Variants in ESRRB observed in about 807,000 individuals in gnomAD.
The protein encoded by ESRRB is steroid hormone receptor ERR2.
Under a neutral mutation model 46.0 loss-of-function variants are expected in ESRRB, and 16 were observed. The ratio of observed to expected loss-of-function variants is 0.35; its 90% CI spans 0.24 to 0.53. The LOEUF is 0.53. Among genes scored for constraint, ESRRB ranks in the 20% least tolerant of loss-of-function variants. The probability of loss-of-function intolerance (pLI) is 0.93; values close to 1 mark genes in which losing one functional copy is unlikely to be tolerated. For missense variants in ESRRB, 488 were observed against 607.4 expected, an observed-to-expected ratio of 0.80 and a Z score of 2.07; for synonymous variants, 246 against 259.6, an observed-to-expected ratio of 0.95 and a Z score of 0.50.
chr14:76,377,036 G>A (rs1204012012), intron 1 of ESRRB, among the ~76,000 whole-genome samples: 2 of 152,230 alleles, frequency 1.3e-5, no homozygotes, highest in African/African-American at 2.4e-5. Flanking sequence ...CAGGGCGCCC[G>A]GGGGATGCGG....
At chr14:76,327,264 T>TCTCTAC (rs370228455) in intron 1 of ESRRB, among the ~76,000 whole-genome samples, 14 of 152,266 alleles carry the variant, frequency 9.2e-5, no homozygotes, top group Middle Eastern at 3.4e-3. Context: ...GAGCCACTGG[T>TCTCTAC]CTCTACCTCC....
upstream of ESRRB, among the ~76,000 whole-genome samples, chr14:76,374,082 A>G (rs1441266377): frequency 6.6e-6 from 1 of 152,168 alleles, no homozygotes; most frequent in Non-Finnish European, 1.5e-5. Context: ...CTTCCTGGGC[A>G]GCGGCCTGTC....
chr14:76,386,883 A>AT (rs1158556861), intron 1 of ESRRB, among the ~76,000 whole-genome samples: 1 of 152,162 alleles, frequency 6.6e-6, no homozygotes, highest in African/African-American at 2.4e-5. Context: ...GGGCTACTGA[A>AT]TTTTGCCTTA....
At chr14:76,363,094 G>T (rs1008218195) in intron 1 of ESRRB, among the ~76,000 whole-genome samples, 2 of 152,112 alleles carry the variant, frequency 1.3e-5, no homozygotes, top group Non-Finnish European at 2.9e-5. Context: ...GCATCTCCTT[G>T]GTTGAATGGC....
At chr14:76,407,964 C>G (rs1390229078) in intron 1 of ESRRB, among the ~76,000 whole-genome samples, 2 of 152,190 alleles carry the variant, frequency 1.3e-5, no homozygotes, top group Non-Finnish European at 2.9e-5. Flanking sequence ...CCTGGCAGCC[C>G]AGCCCTAGCA....
At chr14:76,356,896 A>G (rs1884385355) in intron 1 of ESRRB, among the ~76,000 whole-genome samples, 1 of 151,998 alleles carries the variant, frequency 6.6e-6, no homozygotes, top group East Asian at 1.9e-4. Flanking sequence ...CATGATTTCC[A>G]TCTCTCCTGA....
intron 1 of ESRRB, among the ~76,000 whole-genome samples, chr14:76,413,494 C>G (rs1886528394): frequency 6.6e-6 from 1 of 152,154 alleles, no homozygotes. Flanking sequence ...CCTACTTGTC[C>G]TTCAAGACGT....
intron 2 of ESRRB, among the ~76,000 whole-genome samples, chr14:76,460,955 C>T (rs749552231): frequency 5.3e-5 from 8 of 152,134 alleles, no homozygotes; most frequent in Non-Finnish European, 1.2e-4. Context: ...ATCCACCTAC[C>T]TCTGCCTCCC....
At chr14:76,476,644 G>A (rs1427473210) in intron 3 of ESRRB, among the ~76,000 whole-genome samples, 1 of 151,974 alleles carries the variant, frequency 6.6e-6, no homozygotes, top group East Asian at 1.9e-4. Flanking sequence ...AGCAGCGTAA[G>A]CATGGATAAA....
At chr14:76,456,005 T>G (rs1404746581) in intron 2 of ESRRB, among the ~76,000 whole-genome samples, 1 of 147,860 alleles carries the variant, frequency 6.8e-6, no homozygotes, top group African/African-American at 2.5e-5. Flanking sequence ...ATCACACCAC[T>G]GCACTCCAGC....
At chr14:76,472,935 T>G (rs754878745) in intron 3 of ESRRB, among the ~76,000 whole-genome samples, 13 of 152,174 alleles carry the variant, frequency 8.5e-5, no homozygotes, top group Non-Finnish European at 1.9e-4. Context: ...GTAGAGGAGC[T>G]TTGGAAAAAT....
At chr14:76,311,676 T>C (rs1228318126) in intron 1 of ESRRB, among the ~76,000 whole-genome samples, 2 of 152,216 alleles carry the variant, frequency 1.3e-5, no homozygotes, top group African/African-American at 2.4e-5. Context: ...GAGGGAGGGC[T>C]GTTGACTGCT....
chr14:76,492,466 G>A (rs372768011), intron 6 of ESRRB, among the ~76,000 whole-genome samples: 25 of 152,246 alleles, frequency 1.6e-4, no homozygotes, highest in African/African-American at 5.1e-4. Flanking sequence ...CACGCTCAGC[G>A]TCAACTTATT....
chr14:76,420,508 G>A (rs868762303), intron 1 of ESRRB, among the ~76,000 whole-genome samples: 2 of 151,982 alleles, frequency 1.3e-5, no homozygotes, highest in South Asian at 4.2e-4. Flanking sequence ...AGAGTTGGGA[G>A]GCCACAGTTC....
At chr14:76,470,482 A>C (rs2140008357) in intron 3 of ESRRB, among the ~76,000 whole-genome samples, 1 of 152,288 alleles carries the variant, frequency 6.6e-6, no homozygotes, top group African/African-American at 2.4e-5. Flanking sequence ...TAGAAGGAGG[A>C]AAAGCTCCAT....
chr14:76,356,077 G>T (rs918545845), intron 1 of ESRRB, among the ~76,000 whole-genome samples: 3 of 152,210 alleles, frequency 2.0e-5, no homozygotes, highest in African/African-American at 4.8e-5. Context: ...TGAAGGAATG[G>T]CTGTCATTGA....
rs796677704 is a variant in ESRRB, at chr14:76,420,504, G to A, written c.51-18837G>A. 7.2e-5 allele frequency among the ~76,000 whole-genome samples: 11 copies of A among 152,108 alleles called. 1 individual carries two copies. The highest frequency in any genetic ancestry group is 2.7e-4 in the African/African-American group (11 of 41,490). On this transcript the variant is annotated intron_variant, in intron 1 of 6. Transcript: ENST00000644823. ...CAGTTCCGACATTAATGGGAGAGTT[G>A]GGAGGCCACAGTTCTAAGTGCATGA...
intron 1 of ESRRB, among the ~76,000 whole-genome samples, chr14:76,418,298 G>C (rs886340458): frequency 1.3e-5 from 2 of 151,872 alleles, no homozygotes; most frequent in African/African-American, 4.8e-5. Flanking sequence ...TTGTTTTTTG[G>C]CTTTACAGAA....
intron 1 of ESRRB, among the ~76,000 whole-genome samples, chr14:76,410,353 C>CA: frequency 6.6e-6 from 1 of 152,272 alleles, no homozygotes; most frequent in Non-Finnish European, 1.5e-5. Flanking sequence ...ACAAAAATGT[C>CA]AAACACTATG....
Sources: allele counts gnomAD v4.1 joint callset (sites outside exome capture counted in the v4.1 genomes callset), GRCh38; gene constraint gnomAD v4.1.1; transcripts MANE v1.5; gene names NCBI Gene and HGNC (gene_info 2026-07-23, HGNC 2026-07-21).